Variants in MAF observed in about 807,000 individuals in gnomAD.
MAF encodes the protein transcription factor Maf.
In MAF, 10 loss-of-function variants were observed where a neutral mutation model predicts 22.0. That is an observed-to-expected ratio of 0.45 (90% CI 0.28 to 0.77). The LOEUF (loss-of-function observed/expected upper bound fraction) is 0.77, where lower values mean the gene tolerates loss of function less well. Among genes scored for constraint, MAF ranks in the 30% least tolerant of loss-of-function variants. MAF has a pLI of 0.12. For missense variants in MAF, 544 were observed against 548.4 expected, an observed-to-expected ratio of 0.99 and a Z score of 0.08; for synonymous variants, 337 against 255.8, an observed-to-expected ratio of 1.32 and a Z score of -3.03.
chr16:79,317,410 C>A, the MAF span, among the ~76,000 whole-genome samples: 4 of 146,970 alleles, frequency 2.7e-5, no homozygotes, highest in African/African-American at 1.0e-4. Flanking sequence ...TTCCATCTCT[C>A]CCTCCCTCCT....
At chr16:79,211,936 G>GAAAAATCTTAAGTACCAATGGGAAGC in the MAF span, 1 of 1,538,146 alleles carries the variant, frequency 6.5e-7, no homozygotes, top group South Asian at 1.2e-5. Flanking sequence ...ACAACAGAGT[G>GAAAAATCTTAAGTACCAATGGGAAGC]AAAAATCTTA....
At chr16:79,210,190 C>G in the MAF span, among the ~76,000 whole-genome samples, 1 of 152,180 alleles carries the variant, frequency 6.6e-6, no homozygotes, top group African/African-American at 2.4e-5. Context: ...AGTTTTCAGA[C>G]CAACTCCATT....
the MAF span, among the ~76,000 whole-genome samples, chr16:79,484,616 C>A: frequency 1.3e-5 from 2 of 152,162 alleles, no homozygotes; most frequent in East Asian, 3.9e-4. Context: ...AGGGCATATT[C>A]CAGATGGCAG....
chr16:79,484,379 G>A, the MAF span, among the ~76,000 whole-genome samples: 10 of 152,218 alleles, frequency 6.6e-5, no homozygotes, highest in African/African-American at 2.4e-4. Context: ...CCCAGGCCAT[G>A]GTGGCCGAAG....
the MAF span, among the ~76,000 whole-genome samples, chr16:79,209,259 C>T: frequency 4.8e-4 from 73 of 152,326 alleles, no homozygotes; most frequent in Middle Eastern, 0.014. Flanking sequence ...GTCCCCAGCT[C>T]CTGCAACAAT....
At chr16:79,274,606 T>G in the MAF span, among the ~76,000 whole-genome samples, 9 of 152,160 alleles carry the variant, frequency 5.9e-5, no homozygotes, top group African/African-American at 1.9e-4. Flanking sequence ...CGGCAGTTAG[T>G]GCACTCCATA....
chr16:79,596,130 T>A, intron 1 of MAF: 2 of 1,062,542 alleles, frequency 1.9e-6, no homozygotes, highest in Non-Finnish European at 2.3e-6. Flanking sequence ...GGCTCCTCTG[T>A]CTATGGATGG....
At chr16:79,417,350 C>T in the MAF span, among the ~76,000 whole-genome samples, 9 of 152,234 alleles carry the variant, frequency 5.9e-5, no homozygotes, top group Admixed American at 4.6e-4. Flanking sequence ...CAAAGTCAGT[C>T]TGTCTGCAAC....
the MAF span, among the ~76,000 whole-genome samples, chr16:79,390,275 G>GATT: frequency 5.3e-5 from 8 of 152,000 alleles, no homozygotes; most frequent in East Asian, 7.7e-4. Context: ...ACTGTCTGTG[G>GATT]ATTATTATTA....
chr16:79,430,453 G>A, the MAF span, among the ~76,000 whole-genome samples: 2 of 152,178 alleles, frequency 1.3e-5, no homozygotes, highest in African/African-American at 4.8e-5. Flanking sequence ...CCTGATTTAG[G>A]CTGTCACTCC....
the MAF span, among the ~76,000 whole-genome samples, chr16:79,378,258 C>T: frequency 6.6e-6 from 1 of 152,100 alleles, no homozygotes; most frequent in African/African-American, 2.4e-5. Context: ...GCGTACAATG[C>T]TATAATCACA....
the MAF span, among the ~76,000 whole-genome samples, chr16:79,289,899 T>G: frequency 5.3e-4 from 75 of 142,542 alleles, 1 homozygote; most frequent in African/African-American, 1.8e-3. Context: ...GTCACCTGGC[T>G]GGAGTGCAGT....
At chr16:79,387,565 T>G in the MAF span, among the ~76,000 whole-genome samples, 1 of 152,208 alleles carries the variant, frequency 6.6e-6, no homozygotes, top group Non-Finnish European at 1.5e-5. Flanking sequence ...ACCAGTGCAC[T>G]CCACTCTGAG....
the MAF span, among the ~76,000 whole-genome samples, chr16:79,324,269 G>GA: frequency 6.6e-6 from 1 of 152,192 alleles, no homozygotes; most frequent in African/African-American, 2.4e-5. Context: ...AACAGAACCT[G>GA]TTGGTATTAC....
At chr16:79,550,408 G>A in the MAF span, among the ~76,000 whole-genome samples, 1 of 152,032 alleles carries the variant, frequency 6.6e-6, no homozygotes, top group Non-Finnish European at 1.5e-5. Flanking sequence ...TCCACCATGA[G>A]TTGCAAAATG....
the MAF span, among the ~76,000 whole-genome samples, chr16:79,257,354 C>T: frequency 6.6e-6 from 1 of 152,128 alleles, no homozygotes; most frequent in Non-Finnish European, 1.5e-5. Context: ...AGCTTTGCTA[C>T]TCCTTATAAC....
chr16:79,399,538 A>C, the MAF span, among the ~76,000 whole-genome samples: 1 of 152,154 alleles, frequency 6.6e-6, no homozygotes. Context: ...AACTGACACC[A>C]ATTCCTTGGG....
chr16:79,313,316 C>T, the MAF span, among the ~76,000 whole-genome samples: 11 of 152,042 alleles, frequency 7.2e-5, no homozygotes, highest in Non-Finnish European at 1.3e-4. Context: ...TCCTGAAGAA[C>T]GGCACACAGG....
the MAF span, among the ~76,000 whole-genome samples, chr16:79,328,769 A>G: frequency 6.6e-6 from 1 of 152,150 alleles, no homozygotes; most frequent in Non-Finnish European, 1.5e-5. Context: ...ATTAAAATGG[A>G]ACCCTTTGAA....
Sources: allele counts gnomAD v4.1 joint callset (sites outside exome capture counted in the v4.1 genomes callset), GRCh38; gene constraint gnomAD v4.1.1; transcripts MANE v1.5; gene names NCBI Gene and HGNC (gene_info 2026-07-23, HGNC 2026-07-21).